CHRM3: variants seen among roughly 807,000 people sequenced by gnomAD.
CHRM3 encodes cholinergic receptor muscarinic 3.
A neutral mutation model predicts 41.8 loss-of-function variants in CHRM3; 11 were observed. The observed-to-expected ratio is 0.26, with a 90% CI of 0.17 to 0.44. CHRM3 has a LOEUF of 0.44. Ranked by LOEUF, CHRM3 falls within the 20% of genes least tolerant of loss-of-function variation. The pLI is 1.00. For synonymous variants in CHRM3, 297 were observed against 301.4 expected (o/e 0.99, Z 0.15); for missense variants, 571 against 745.4 (o/e 0.77, Z 2.72).
chr1:239,404,438 G>GAA (rs1458126604), intron 1 of CHRM3, among the ~76,000 whole-genome samples: 9 of 120,402 alleles, frequency 7.5e-5, no homozygotes, highest in African/African-American at 9.0e-5. Flanking sequence ...AAGAAAGAAA[G>GAA]AAAGAAAGAA....
rs1201109933 is a variant in CHRM3 at position 239,912,559 on chromosome 1, G to T, written c.*3335G>T. 6.0e-6 allele frequency: 1 copy of T among 167,086 alleles called. No individual in the cohort carries two copies. Among genetic ancestry groups the T allele is most frequent in the Non-Finnish European group, 1.5e-5 (1 of 68,140 alleles). The allele number at this position is 167,086 out of a possible 1,614,324, so 10.4% of individuals were successfully genotyped here. On this transcript the variant is annotated 3_prime_UTR_variant, in exon 7 of 7. Transcript: ENST00000676153. ...TGCAGGGCTCATTGCTCTGCAGAGC[G>T]CTGGAAGCCCCTTCATGTATCGAGA...
At chr1:239,700,601 C>G (rs1406020121) in intron 5 of CHRM3, among the ~76,000 whole-genome samples, 1 of 152,112 alleles carries the variant, frequency 6.6e-6, no homozygotes, top group East Asian at 1.9e-4. Context: ...TCCCCTGTCC[C>G]CTGCAGCATA....
chr1:239,744,943 A>T (rs1369687701), intron 5 of CHRM3, among the ~76,000 whole-genome samples: 1 of 152,130 alleles, frequency 6.6e-6, no homozygotes, highest in Non-Finnish European at 1.5e-5. Flanking sequence ...GGAGGAAGAC[A>T]GTGCAGGCGA....
At chr1:239,475,618 A>G (rs1472755191) in intron 1 of CHRM3, among the ~76,000 whole-genome samples, 1 of 152,160 alleles carries the variant, frequency 6.6e-6, no homozygotes, top group Non-Finnish European at 1.5e-5. Context: ...AAATCTGAAT[A>G]AACATTGGGC....
At chr1:239,456,399 C>T (rs749523568) in intron 1 of CHRM3, among the ~76,000 whole-genome samples, 3 of 152,188 alleles carry the variant, frequency 2.0e-5, no homozygotes, top group East Asian at 1.9e-4. Flanking sequence ...CATTGTGTTA[C>T]AGTTACCTAC....
At chr1:239,486,254 A>G (rs1667175043) in intron 1 of CHRM3, among the ~76,000 whole-genome samples, 1 of 151,940 alleles carries the variant, frequency 6.6e-6, no homozygotes, top group African/African-American at 2.4e-5. Context: ...TGCAACCTAA[A>G]CTGTTTAGCC....
chr1:239,666,791 G>C (rs2149039427), intron 4 of CHRM3, among the ~76,000 whole-genome samples: 1 of 152,220 alleles, frequency 6.6e-6, no homozygotes, highest in African/African-American at 2.4e-5. Flanking sequence ...AGTGAGCATA[G>C]TGTCCAACAA....
At chr1:239,479,523 C>T (rs912297561) in intron 1 of CHRM3, among the ~76,000 whole-genome samples, 3 of 152,030 alleles carry the variant, frequency 2.0e-5, no homozygotes, top group Non-Finnish European at 2.9e-5. Context: ...TCAACAGTGG[C>T]GATAAGTTCT....
In CHRM3 at chr1:239,853,644, CAGTT is replaced by C. The variant is rs201607724; in HGVS notation, c.-20+26270_-20+26273del. Among the ~76,000 whole-genome samples the C allele has an allele frequency of 1.4e-3, 216 of 151,946 alleles. 1 individual carries two copies. Among genetic ancestry groups the C allele is most frequent in the African/African-American group, 5.1e-3 (211 of 41,494 alleles). ...TGTTTATTTGTACAAAAAAATTAAT[CAGTT>C]AGTGTATTCTGTTGTATAGATGACA... is the stretch of plus-strand genomic sequence containing the variant. On this transcript the variant is annotated intron_variant, in intron 6 of 6. Coordinates refer to ENST00000676153, the MANE Select transcript of CHRM3 (RefSeq NM_001375978.1).
At chr1:239,599,238 C>T (rs1405522116) in intron 3 of CHRM3, among the ~76,000 whole-genome samples, 3 of 152,178 alleles carry the variant, frequency 2.0e-5, no homozygotes, top group South Asian at 2.1e-4. Context: ...CCACAGGACA[C>T]TTCTCCATCC....
At chr1:239,889,894 C>G (rs1678402166) in intron 6 of CHRM3, among the ~76,000 whole-genome samples, 1 of 152,098 alleles carries the variant, frequency 6.6e-6, no homozygotes, top group African/African-American at 2.4e-5. Context: ...TTGGCAGTTT[C>G]TGGTATATCT....
At chr1:239,869,951 T>C (rs149212488) in intron 6 of CHRM3, among the ~76,000 whole-genome samples, 1 of 152,242 alleles carries the variant, frequency 6.6e-6, no homozygotes, top group African/African-American at 2.4e-5. Context: ...CATTGATATG[T>C]GGTTTGGGGT....
At chr1:239,490,113 T>C (rs1040512353) in intron 1 of CHRM3, among the ~76,000 whole-genome samples, 1 of 152,232 alleles carries the variant, frequency 6.6e-6, no homozygotes, top group Non-Finnish European at 1.5e-5. Context: ...TACTATTTAG[T>C]ACGAGTACAT....
chr1:239,457,602 A>G (rs1240817463), intron 1 of CHRM3, among the ~76,000 whole-genome samples: 2 of 152,258 alleles, frequency 1.3e-5, no homozygotes, highest in East Asian at 3.9e-4. Context: ...CCATAGTTCC[A>G]TAGTGTGCAC....
At chr1:239,899,670 G>A (rs1382071068) in intron 6 of CHRM3, 1 of 151,722 alleles carries the variant, frequency 6.6e-6, no homozygotes. Flanking sequence ...ATATATACAC[G>A]ATATAAGTAC....
intron 3 of CHRM3, among the ~76,000 whole-genome samples, chr1:239,618,255 T>G: frequency 1.4e-5 from 2 of 145,482 alleles, no homozygotes; most frequent in Admixed American, 7.1e-5. Context: ...GAATAGAGAG[T>G]AGGAGTACTT....
intron 6 of CHRM3, among the ~76,000 whole-genome samples, chr1:239,893,639 A>AG (rs1678732426): frequency 6.6e-6 from 1 of 152,092 alleles, no homozygotes; most frequent in South Asian, 2.1e-4. Context: ...CTTGAAGGAC[A>AG]GAAGTGATTG....
rs115451738 is a variant in CHRM3 at position 239,795,673 on chromosome 1, A to T, written c.-146-31579A>T. Among the ~76,000 whole-genome samples, 735 of 152,294 alleles carry T rather than the reference A, an allele frequency of 4.8e-3. 3 individuals carry two copies. The highest frequency in any genetic ancestry group is 6.9e-3 in the Non-Finnish European group (470 of 68,026). ...CTATAAAGAACTTTATTGATCTATG[A>T]TAATGTAATTCTTAATGGATGTACT... is the stretch of plus-strand genomic sequence containing the variant. On this transcript the variant is annotated intron_variant, in intron 5 of 6. Transcript: ENST00000676153.
chr1:239,695,806 A>G (rs1337678990), intron 5 of CHRM3, among the ~76,000 whole-genome samples: 1 of 152,168 alleles, frequency 6.6e-6, no homozygotes, highest in Non-Finnish European at 1.5e-5. Context: ...GCTATTCTAT[A>G]ATGAGATTTT....
Sources: allele counts gnomAD v4.1 joint callset (sites outside exome capture counted in the v4.1 genomes callset), GRCh38; gene constraint gnomAD v4.1.1; transcripts MANE v1.5; gene names NCBI Gene and HGNC (gene_info 2026-07-23, HGNC 2026-07-21).